DCLK3: variants seen among roughly 807,000 people sequenced by gnomAD.
DCLK3 encodes serine/threonine-protein kinase DCLK3.
DCLK3 carries 30 observed loss-of-function variants against 46.4 expected under a neutral mutation model. The observed-to-expected ratio is 0.65, with a 90% confidence interval of 0.48 to 0.88. The LOEUF (loss-of-function observed/expected upper bound fraction) is 0.88. Ranked by LOEUF, DCLK3 falls within the 40% of genes least tolerant of loss-of-function variation. DCLK3 has a pLI of 0.00. For missense variants in DCLK3, 846 were observed against 907.1 expected, an observed-to-expected ratio of 0.93 and a Z score of 0.87; for synonymous variants, 401 against 339.2, an observed-to-expected ratio of 1.18 and a Z score of -2.00.
At chr3:36,736,929 T>C (rs1701270224) in intron 2 of DCLK3, among the ~76,000 whole-genome samples, 1 of 152,202 alleles carries the variant, frequency 6.6e-6, no homozygotes, top group Admixed American at 6.5e-5. Flanking sequence ...GTCCACGTAG[T>C]CACTATCAAG....
Position 36,715,411 on chromosome 3 carries a change from C to T in DCLK3, c.2371G>A (p.Val791Met), listed in dbSNP as rs568759319. Residue 791 changes from valine (V) to methionine (M), a missense_variant, in exon 5 of 5, where the codon GTG becomes ATG. Physicochemically the swap from Val to Met is conservative, Grantham distance 21. Around this residue, in one of 3 missense-constraint regions of DCLK3, gnomAD observed 46 missense variants for 41.3 expected, o/e 1.11. Transcript: ENST00000636136. ...WIETAGKTNT[V>M]KRQKQVSPSS... ...GGGGACACCTGCTTCTGTCGTTTCA[C>T]TGTATTGGTCTTGCCAGCTGTTTCG... 6.2e-7 allele frequency: 1 copy of T among 1,614,082 alleles called. No homozygotes were observed. The highest frequency in any genetic ancestry group is 2.2e-5 in the East Asian group (1 of 44,882).
intron 1 of DCLK3, among the ~76,000 whole-genome samples, chr3:36,762,476 TA>T (rs1339437208): frequency 1.3e-5 from 2 of 152,012 alleles, no homozygotes; most frequent in African/African-American, 4.8e-5. Flanking sequence ...CAAAGAACCA[TA>T]GAGGTCAATT....
At chr3:36,763,865 A>G (rs1229997088) in intron 1 of DCLK3, among the ~76,000 whole-genome samples, 2 of 152,206 alleles carry the variant, frequency 1.3e-5, no homozygotes, top group African/African-American at 4.8e-5. Context: ...CTGCACCTTG[A>G]AAGACACCCA....
rs1374526989 is a variant in DCLK3, at chr3:36,738,001, C to G, written c.1166G>C (p.Ser389Thr). The G allele has an allele frequency of 6.2e-7, 1 of 1,614,210 alleles. No individual in the cohort carries two copies. Among genetic ancestry groups the G allele is most frequent in the Middle Eastern group, 1.6e-4 (1 of 6,062 alleles). ...GCCTCTGTCCTCTTTCTTGTCCATG[C>G]TCTTGCTGGGTCTCCTCAGCTCTTG... ...PTQELRRPSK[S>T]MDKKEDRGPE... is the part of the protein sequence containing the mutation. The change falls in exon 2 of 5, where the codon AGC becomes ACC. Residue 389 changes from serine (S) to threonine (T), a missense_variant. Physicochemically the swap from Ser to Thr is moderately conservative, Grantham distance 58. This residue lies in a region of DCLK3 where 553 missense variants were observed against 543.0 expected (regional missense o/e 1.02). Transcript: ENST00000636136.
At chr3:36,759,117 C>G (rs1159780353) in intron 1 of DCLK3, among the ~76,000 whole-genome samples, 1 of 152,178 alleles carries the variant, frequency 6.6e-6, no homozygotes, top group Non-Finnish European at 1.5e-5. Flanking sequence ...TTAAGCAACA[C>G]TAGGAATCTA....
intron 1 of DCLK3, among the ~76,000 whole-genome samples, chr3:36,747,230 G>A (rs1398700057): frequency 1.3e-5 from 2 of 151,964 alleles, no homozygotes; most frequent in African/African-American, 4.8e-5. Context: ...TAAATGATTG[G>A]GGTCCTGCAA....
In DCLK3 at chr3:36,759,686, T is replaced by C. The variant is rs80288150; in HGVS notation, c.82+4496A>G. ...GACCTGAACACACCAAGCTGTTTCATCATGGCAGCCTACTTTTGCACATGC... is the reference window on the plus strand; with the variant it reads ...GACCTGAACACACCAAGCTGTTTCACCATGGCAGCCTACTTTTGCACATGC... On this transcript the variant is annotated intron_variant, in intron 1 of 4. Coordinates refer to ENST00000636136, the MANE Select transcript of DCLK3 (RefSeq NM_001394672.2). Among the ~76,000 whole-genome samples the C allele has an allele frequency of 9.8e-3, 1,495 of 152,318 alleles. 36 individuals are homozygous for C. Among genetic ancestry groups the C allele is most frequent in the African/African-American group, 0.034 (1,414 of 41,552 alleles).
At chr3:36,742,379 C>A (rs1575144109) in intron 1 of DCLK3, among the ~76,000 whole-genome samples, 1 of 152,312 alleles carries the variant, frequency 6.6e-6, no homozygotes, top group Middle Eastern at 3.4e-3. Flanking sequence ...GGAGAACAAT[C>A]TGGGAACATC....
chr3:36,729,451 C>T (rs558513319), intron 2 of DCLK3, among the ~76,000 whole-genome samples: 13 of 152,202 alleles, frequency 8.5e-5, no homozygotes, highest in Non-Finnish European at 1.8e-4. Context: ...CTGTCTGCAT[C>T]TATCATCCTT....
At chr3:36,731,826 C>T (rs749027504) in intron 2 of DCLK3, among the ~76,000 whole-genome samples, 17 of 152,104 alleles carry the variant, frequency 1.1e-4, no homozygotes, top group South Asian at 2.1e-4. Context: ...CTCACATAAA[C>T]CCTAACATGT....
At chr3:36,759,091 CT>C (rs1340949651) in intron 1 of DCLK3, among the ~76,000 whole-genome samples, 11 of 152,212 alleles carry the variant, frequency 7.2e-5, no homozygotes, top group Non-Finnish European at 1.5e-4. Context: ...CTGAACTGCA[CT>C]ATAATAAAAA....
rs1700933996 is a variant in DCLK3, at chr3:36,713,338, T to A, written c.*1990A>T. 1 of 152,118 alleles carries A rather than the reference T, an allele frequency of 6.6e-6. No homozygotes were observed. 9.4% of individuals were successfully genotyped at this position (152,118 alleles called of 1,614,324 possible). A position where few individuals can be genotyped will look rare whatever the true frequency, so the allele number is the denominator to read the frequency against. ...TTCAAAGAGAAAGTGGTCAATAGGG[T>A]CAAGTGATGCTAATTTGAGGATTGA... On this transcript the variant is annotated 3_prime_UTR_variant, in exon 5 of 5. Transcript: ENST00000636136.
intron 1 of DCLK3, among the ~76,000 whole-genome samples, 170 bp from the exon 2 acceptor site, chr3:36,739,254 G>C (rs186281298): frequency 4.0e-4 from 61 of 152,220 alleles, no homozygotes; most frequent in African/African-American, 1.4e-3. Context: ...CTAATTCCCA[G>C]TCTCCTCTAC....
At chr3:36,715,713 A>G (rs906728432) in intron 4 of DCLK3, among the ~76,000 whole-genome samples, 192 bp from the exon 5 acceptor site, 15 of 152,224 alleles carry the variant, frequency 9.9e-5, no homozygotes, top group African/African-American at 3.6e-4. Context: ...ACCTGCGATT[A>G]TTGAGCATTT....
At chr3:36,724,787 G>A (rs566893225) in intron 2 of DCLK3, among the ~76,000 whole-genome samples, 1 of 152,092 alleles carries the variant, frequency 6.6e-6, no homozygotes, top group South Asian at 2.1e-4. Context: ...TTTATCAGCA[G>A]CATAAAAACA....
At chr3:36,743,074 A>G (rs1235164426) in intron 1 of DCLK3, among the ~76,000 whole-genome samples, 1 of 152,156 alleles carries the variant, frequency 6.6e-6, no homozygotes, top group Admixed American at 6.5e-5. Context: ...CCATAAAAAA[A>G]CAAATTTCAT....
chr3:36,757,785 G>A (rs1015493109), intron 1 of DCLK3, among the ~76,000 whole-genome samples: 9 of 151,914 alleles, frequency 5.9e-5, no homozygotes, highest in African/African-American at 1.2e-4. Context: ...CATCCTGGTC[G>A]GTGGTACCAC....
chr3:36,720,349 C>T (rs1701039536), intron 3 of DCLK3, among the ~76,000 whole-genome samples: 2 of 152,152 alleles, frequency 1.3e-5, no homozygotes, highest in African/African-American at 2.4e-5. Context: ...CCAACTAAAC[C>T]TCTTTTCTTT....
Position 36,755,151 on chromosome 3 carries a change from G to A in DCLK3, c.82+9031C>T, listed in dbSNP as rs572318569. The stretch of plus-strand genomic sequence containing the variant: ...AACTACAAAACTGTGAGAGGAATTA[G>A]AAAAGCCGTTTAAATGACTGTCCAT... On this transcript the variant is annotated intron_variant, in intron 1 of 4. Transcript: ENST00000636136. Among the ~76,000 whole-genome samples the A allele has an allele frequency of 1.1e-4, 16 of 152,290 alleles. No homozygotes were observed. In the South Asian group the frequency reaches 3.3e-3, roughly 32 times the overall value.
Sources: allele counts gnomAD v4.1 joint callset (sites outside exome capture counted in the v4.1 genomes callset), GRCh38; gene constraint gnomAD v4.1.1; regional missense constraint gnomAD v4.1.1; transcripts MANE v1.5; gene names NCBI Gene and HGNC (gene_info 2026-07-23, HGNC 2026-07-21).